BAZ1A: variants seen among roughly 807,000 people sequenced by gnomAD.
BAZ1A encodes the protein bromodomain adjacent to zinc finger domain protein 1A.
BAZ1A carries 50 observed loss-of-function variants against 185.2 expected under a neutral mutation model. The observed-to-expected ratio is 0.27, with a 90% CI of 0.22 to 0.34. BAZ1A has a LOEUF of 0.34. Ranked by LOEUF, BAZ1A falls within the 10% of genes least tolerant of loss-of-function variation. The pLI is 1.00. For synonymous variants in BAZ1A, 571 were observed against 615.6 expected, an observed-to-expected ratio of 0.93 and a Z score of 1.07; for missense variants, 1,356 against 1,839.9, an observed-to-expected ratio of 0.74 and a Z score of 4.81.
Position 34,851,332 on chromosome 14 carries a change from C to CAA in BAZ1A, c.392+10710_392+10711dup, listed in dbSNP as rs71435818. On this transcript the variant is annotated intron_variant, in intron 3 of 26. Coordinates refer to ENST00000360310, the MANE Select transcript of BAZ1A (RefSeq NM_013448.3). ...TGGGCAACAGAGTGGGACCCTAGCT[C>CAA]AAAAAAAAAAAAAAAAAAAAAAAAA... Among the ~76,000 whole-genome samples, 136 of 43,382 alleles carry CAA rather than the reference C, an allele frequency of 3.1e-3. 1 individual carries two copies. The highest frequency in any genetic ancestry group is 0.01 in the South Asian group (9 of 896). 28.5% of individuals were successfully genotyped at this position (43,382 alleles called of 152,430 possible).
chr14:34,765,391 A>G, intron 21 of BAZ1A, 123 bp from the exon 22 acceptor site: 5 of 1,229,692 alleles, frequency 4.1e-6, no homozygotes, highest in South Asian at 1.6e-5. Flanking sequence ...GATACTTAAC[A>G]AAAAGACCAT....
rs60368383 is a variant in BAZ1A, at chr14:34,827,734, C to CA, written c.393-1579dup. Among the ~76,000 whole-genome samples, 252 of 133,096 alleles carry CA rather than the reference C, an allele frequency of 1.9e-3. 1 individual carries two copies. The highest frequency in any genetic ancestry group is 2.2e-3 in the African/African-American group (77 of 34,704). 87.3% of individuals were successfully genotyped at this position (133,096 alleles called of 152,430 possible). On this transcript the variant is annotated intron_variant, in intron 3 of 26. Transcript: ENST00000360310. Reference sequence around the variant, plus strand: ...TTGGCAACAAAGCAAGACTCTGTCTCAAAAAAAAAAAAAAAAGAAAGTCAT... The same window carrying CA: ...TTGGCAACAAAGCAAGACTCTGTCTCAAAAAAAAAAAAAAAAAGAAAGTCAT...
At chr14:34,841,731 C>A (rs748526555) in intron 3 of BAZ1A, among the ~76,000 whole-genome samples, 17 of 152,134 alleles carry the variant, frequency 1.1e-4, no homozygotes, top group Non-Finnish European at 2.1e-4. Flanking sequence ...AGTCCTATAT[C>A]AGTTATTCAT....
chr14:34,833,357 G>A (rs751759409), intron 3 of BAZ1A, among the ~76,000 whole-genome samples: 9 of 152,048 alleles, frequency 5.9e-5, no homozygotes, highest in South Asian at 4.1e-4. Context: ...GTGAAATCCC[G>A]TCTCTACTAA....
chr14:34,807,479 T>C lies in BAZ1A; in HGVS notation c.698A>G (p.Glu233Gly), dbSNP rs746960727. The C allele has an allele frequency of 6.8e-6, 11 of 1,612,608 alleles. No homozygotes were observed. The highest frequency in any genetic ancestry group is 9.3e-6 in the Non-Finnish European group (11 of 1,179,000). The stretch of plus-strand genomic sequence containing the variant: ...TATTTTAATGACTCCATCTTGTGGT[T>C]CACAGTGTTGCTTCAGAAAAAGCTT... ...KLKLFLKQHC[E>G]PQDGVIKIKA... Residue 233 changes from glutamate (E) to glycine (G), a missense_variant, in exon 6 of 27, where the codon GAA (glutamate) becomes GGA (glycine). By Grantham distance (98) the Glu-to-Gly change is moderately conservative. Coordinates refer to ENST00000360310, the MANE Select transcript of BAZ1A (RefSeq NM_013448.3).
chr14:34,873,205 C>G (rs956617351), intron 2 of BAZ1A, among the ~76,000 whole-genome samples: 7 of 152,142 alleles, frequency 4.6e-5, no homozygotes, highest in Non-Finnish European at 7.3e-5. Flanking sequence ...TACAGTTTGC[C>G]CAAAACCCTC....
At chr14:34,834,443 C>A (rs536835507) in intron 3 of BAZ1A, among the ~76,000 whole-genome samples, 1 of 152,148 alleles carries the variant, frequency 6.6e-6, no homozygotes, top group South Asian at 2.1e-4. Flanking sequence ...ACAGTAGGTC[C>A]CACAGGGCTA....
chr14:34,790,688 A>G (rs1187844383), intron 12 of BAZ1A, among the ~76,000 whole-genome samples: 1 of 152,142 alleles, frequency 6.6e-6, no homozygotes, highest in Admixed American at 6.5e-5. Flanking sequence ...GGGTCTCACT[A>G]TGTCGCCCAG....
intron 3 of BAZ1A, among the ~76,000 whole-genome samples, chr14:34,846,839 T>A (rs2042520254): frequency 1.3e-5 from 2 of 152,140 alleles, no homozygotes; most frequent in Admixed American, 6.6e-5. Flanking sequence ...AGAACAGTTA[T>A]CCCTACCTGT....
At position 34,771,563 on chromosome 14, in the gene BAZ1A, T is replaced by C; in HGVS notation, c.3249A>G (p.Ala1083=). The C allele has an allele frequency of 1.2e-6, 2 of 1,614,074 alleles. No individual in the cohort carries two copies. The highest frequency in any genetic ancestry group is 2.2e-5 in the East Asian group (1 of 44,860). ...CAATGCCCTGCTCTATTTGAAAGAGTGCCATTGCCAGATAATGAACCACAC... is the reference window on the plus strand; with the variant it reads ...CAATGCCCTGCTCTATTTGAAAGAGCGCCATTGCCAGATAATGAACCACAC... ...VSSVVHYLAM[A]LFQIEQGIER... Residue 1083 remains alanine, a synonymous_variant, in exon 21 of 27, where the codon GCA becomes GCG. Transcript: ENST00000360310.
At chr14:34,840,648 A>G (rs925659306) in intron 3 of BAZ1A, among the ~76,000 whole-genome samples, 1 of 151,830 alleles carries the variant, frequency 6.6e-6, no homozygotes, top group African/African-American at 2.4e-5. Context: ...AATCCCAGCT[A>G]CTCGGGATGC....
At chr14:34,759,666 TA>T (rs563431196) in intron 24 of BAZ1A, among the ~76,000 whole-genome samples, 235 of 79,020 alleles carry the variant, frequency 3.0e-3, no homozygotes, top group Middle Eastern at 5.3e-3. Context: ...TTACAGATCT[TA>T]ATTTTATTTA....
intron 21 of BAZ1A, among the ~76,000 whole-genome samples, chr14:34,769,769 G>T (rs1250141383): frequency 6.6e-6 from 1 of 152,150 alleles, no homozygotes; most frequent in Non-Finnish European, 1.5e-5. Context: ...ATTTTAAATT[G>T]AAATTTTAAT....
chr14:34,873,669 C>G (rs767401827), intron 2 of BAZ1A, among the ~76,000 whole-genome samples: 2 of 152,234 alleles, frequency 1.3e-5, no homozygotes, highest in African/African-American at 4.8e-5. Flanking sequence ...AAAGTGAAAA[C>G]GAGGGGCGCC....
intron 25 of BAZ1A, among the ~76,000 whole-genome samples, chr14:34,755,555 C>T (rs1886202280): frequency 6.6e-6 from 1 of 152,120 alleles, no homozygotes; most frequent in Admixed American, 6.6e-5. Flanking sequence ...AAATTCTATC[C>T]TTCTTCAATG....
At chr14:34,872,619 A>T (rs1283326126) in intron 2 of BAZ1A, among the ~76,000 whole-genome samples, 4 of 152,152 alleles carry the variant, frequency 2.6e-5, no homozygotes, top group Non-Finnish European at 5.9e-5. Context: ...TAAATAAATA[A>T]AAATAATGGA....
At chr14:34,854,654 G>A (rs1431363045) in intron 3 of BAZ1A, among the ~76,000 whole-genome samples, 4 of 152,002 alleles carry the variant, frequency 2.6e-5, no homozygotes, top group East Asian at 1.9e-4. Context: ...TTTTAATCTC[G>A]CAATAACCCA....
At chr14:34,776,832 C>T (rs772113320) in intron 17 of BAZ1A, among the ~76,000 whole-genome samples, 2 of 152,110 alleles carry the variant, frequency 1.3e-5, no homozygotes, top group Non-Finnish European at 2.9e-5. Context: ...GCACTGTCTG[C>T]AAGCCAAGAA....
intron 3 of BAZ1A, among the ~76,000 whole-genome samples, chr14:34,857,552 C>G (rs2042703265): frequency 6.6e-6 from 1 of 152,174 alleles, no homozygotes; most frequent in South Asian, 2.1e-4. Flanking sequence ...CATTCCCCTG[C>G]CCAAACCAGC....
Sources: allele counts gnomAD v4.1 joint callset (sites outside exome capture counted in the v4.1 genomes callset), GRCh38; gene constraint gnomAD v4.1.1; transcripts MANE v1.5; gene names NCBI Gene and HGNC (gene_info 2026-07-23, HGNC 2026-07-21).